The following DIPK1A variants were observed in gnomAD, a reference collection of about 807,000 sequenced individuals.
DIPK1A encodes divergent protein kinase domain 1A, also known as family with sequence similarity 69 member A.
DIPK1A carries 27 observed loss-of-function variants against 40.8 expected under a neutral mutation model. The ratio of observed to expected loss-of-function variants is 0.66; its 90% CI spans 0.49 to 0.91. The LOEUF is 0.91. DIPK1A is among the 40% of genes least tolerant of loss of function. DIPK1A has a pLI of 0.00. For synonymous variants in DIPK1A, 166 were observed against 171.3 expected, an observed-to-expected ratio of 0.97 and a Z score of 0.24; for missense variants, 412 against 505.7, an observed-to-expected ratio of 0.81 and a Z score of 1.78.
At chr1:92,924,382 GAGAAT>G (rs1650398027) in intron 1 of DIPK1A, among the ~76,000 whole-genome samples, 1 of 151,828 alleles carries the variant, frequency 6.6e-6, no homozygotes, top group African/African-American at 2.4e-5. Context: ...TAGAAATTTT[GAGAAT>G]GGTATCCTTG....
rs1169252144 is a variant in DIPK1A, at chr1:92,928,954, T to C, written c.54+32422A>G. Among the ~76,000 whole-genome samples the C allele has an allele frequency of 3.3e-5, 5 of 151,500 alleles. No individual in the cohort carries two copies. In the East Asian group the frequency reaches 7.7e-4, roughly 23 times the overall value. On this transcript the variant is annotated intron_variant, in intron 1 of 4. Transcript: ENST00000370310. Reference sequence around the variant, plus strand: ...TCCAGCCTGGGCAACAGAGTGAGACTCCATCTCAAAGAAAAAAAAAAGAAA... The same window carrying C: ...TCCAGCCTGGGCAACAGAGTGAGACCCCATCTCAAAGAAAAAAAAAAGAAA...
intron 1 of DIPK1A, among the ~76,000 whole-genome samples, chr1:92,913,105 T>C (rs963984452): frequency 1.4e-4 from 22 of 152,070 alleles, no homozygotes; most frequent in African/African-American, 5.1e-4. Context: ...AAAAAAAAGA[T>C]AACAGAGTTA....
At chr1:92,861,547 T>C (rs1647273267) in intron 2 of DIPK1A, among the ~76,000 whole-genome samples, 1 of 151,982 alleles carries the variant, frequency 6.6e-6, no homozygotes, top group East Asian at 1.9e-4. Context: ...GGCTGGTCTC[T>C]AACTCTTGGC....
intron 2 of DIPK1A, among the ~76,000 whole-genome samples, chr1:92,853,408 C>T (rs1336372406): frequency 6.6e-6 from 1 of 152,120 alleles, no homozygotes; most frequent in African/African-American, 2.4e-5. Flanking sequence ...CTTTGAGCAT[C>T]CAGGCAAAAA....
At chr1:92,851,003 G>A in intron 2 of DIPK1A, 48 bp from the exon 3 acceptor site, 1 of 1,212,450 alleles carries the variant, frequency 8.2e-7, no homozygotes, top group Non-Finnish European at 1.2e-6. Flanking sequence ...ATATTCACAA[G>A]AAGAAGCATA....
intron 1 of DIPK1A, chr1:92,930,929 A>G (rs1650722776): frequency 6.6e-6 from 1 of 152,150 alleles, no homozygotes; most frequent in Non-Finnish European, 1.5e-5. Flanking sequence ...CTTCTGAAAT[A>G]CAAATATCAC....
At chr1:92,856,208 TG>T (rs1419211819) in intron 2 of DIPK1A, among the ~76,000 whole-genome samples, 7 of 151,990 alleles carry the variant, frequency 4.6e-5, no homozygotes, top group Admixed American at 6.5e-5. Flanking sequence ...AGAGTAGTGG[TG>T]GCAAAAAAAT....
At chr1:92,911,447 T>C (rs1649822457) in intron 1 of DIPK1A, among the ~76,000 whole-genome samples, 1 of 152,218 alleles carries the variant, frequency 6.6e-6, no homozygotes, top group African/African-American at 2.4e-5. Flanking sequence ...AGCCGCCCAA[T>C]TTATGGTACT....
chr1:92,877,474 G>A (rs1357467380), intron 1 of DIPK1A, among the ~76,000 whole-genome samples: 1 of 152,208 alleles, frequency 6.6e-6, no homozygotes, highest in African/African-American at 2.4e-5. Context: ...GAAGCAGAAA[G>A]AGATGAGAGA....
chr1:92,949,452 T>G (rs1009348949), intron 1 of DIPK1A, among the ~76,000 whole-genome samples: 8 of 152,074 alleles, frequency 5.3e-5, no homozygotes, highest in African/African-American at 1.9e-4. Flanking sequence ...TTTTTTTGTA[T>G]TTTTAGTAGA....
At chr1:92,918,290 C>T (rs1650132862) in intron 1 of DIPK1A, among the ~76,000 whole-genome samples, 1 of 152,098 alleles carries the variant, frequency 6.6e-6, no homozygotes, top group Non-Finnish European at 1.5e-5. Context: ...GCTGGGATTA[C>T]AGGCACCCAC....
intron 2 of DIPK1A, among the ~76,000 whole-genome samples, chr1:92,865,746 C>A (rs544426272): frequency 6.6e-6 from 1 of 152,260 alleles, no homozygotes; most frequent in African/African-American, 2.4e-5. Context: ...CTGGTTCCTA[C>A]CTTATAGCAT....
intron 2 of DIPK1A, among the ~76,000 whole-genome samples, chr1:92,861,047 AT>A (rs199909543): frequency 5.3e-4 from 80 of 151,566 alleles, no homozygotes; most frequent in Admixed American, 2.3e-3. Context: ...TATGTCTTTT[AT>A]TTTTTTTCTT....
At position 92,851,542 on chromosome 1, in the gene DIPK1A, CA is replaced by C. The variant is rs59664439; in HGVS notation, c.190-588del. ...TGGGTGAGAGAGTGAGACCCTATCT[CA>C]AAAAAAAAAAAAAAAAAAACTTCTG... On this transcript the variant is annotated intron_variant, in intron 2 of 4. Transcript: ENST00000370310. Among the ~76,000 whole-genome samples, 248 of 34,780 alleles carry C rather than the reference CA, an allele frequency of 7.1e-3. 3 individuals are homozygous for C. Among genetic ancestry groups the C allele is most frequent in the African/African-American group, 0.023 (210 of 9,068 alleles). 22.8% of individuals were successfully genotyped at this position (34,780 alleles called of 152,430 possible). A position where few individuals can be genotyped will look rare whatever the true frequency, so the allele number is the denominator to read the frequency against.
In DIPK1A at chr1:92,917,038, T is replaced by C. The variant is rs1305328323; in HGVS notation, c.55-40608A>G. On this transcript the variant is annotated intron_variant, in intron 1 of 4. Coordinates refer to ENST00000370310, the MANE Select transcript of DIPK1A (RefSeq NM_001006605.5). ...ATTTTATACACAGCTGTAATCAGTG[T>C]ACATATAATTGTGTATTCTTTTCTC... 2.0e-5 allele frequency among the ~76,000 whole-genome samples: 3 copies of C among 152,356 alleles called. No individual in the cohort carries two copies. The East Asian group carries it at 5.8e-4, about 29-fold the overall frequency.
intron 1 of DIPK1A, among the ~76,000 whole-genome samples, chr1:92,916,463 A>T (rs937808476): frequency 7.9e-5 from 12 of 151,756 alleles, no homozygotes; most frequent in Non-Finnish European, 1.8e-4. Context: ...CCCCATGCCC[A>T]GCTAATTTTC....
intron 1 of DIPK1A, among the ~76,000 whole-genome samples, chr1:92,890,758 A>G (rs926182488): frequency 2.0e-5 from 3 of 152,166 alleles, no homozygotes; most frequent in Non-Finnish European, 2.9e-5. Context: ...TTCATCAGGT[A>G]TATTAGCCTA....
intron 4 of DIPK1A, chr1:92,834,727 A>G (rs1687048090): frequency 1.2e-6 from 2 of 1,606,744 alleles, no homozygotes; most frequent in Admixed American, 3.3e-5. Context: ...ATTAAGATGT[A>G]GTAAGACAGT....
chr1:92,839,252 G>A (rs781710868), downstream of DIPK1A, among the ~76,000 whole-genome samples: 2 of 152,084 alleles, frequency 1.3e-5, no homozygotes, highest in African/African-American at 2.4e-5. Flanking sequence ...CCAGCGACTC[G>A]GGAGGCTGAG....
Sources: gnomAD v4.1 joint callset for allele counts (sites outside exome capture counted in the v4.1 genomes callset) on GRCh38, gnomAD v4.1.1 for gene constraint, MANE v1.5 for transcripts, NCBI Gene and HGNC (gene_info 2026-07-23, HGNC 2026-07-21) for gene names.